PARVB: variants seen among roughly 807,000 people sequenced by gnomAD.
The protein encoded by PARVB is beta-parvin.
A neutral mutation model predicts 47.0 loss-of-function variants in PARVB; 46 were observed. That is an observed-to-expected ratio of 0.98 (90% CI 0.77 to 1.25). The LOEUF (loss-of-function observed/expected upper bound fraction) is 1.25, where lower values mean the gene tolerates loss of function less well. Ranked by LOEUF, PARVB falls within the 50% of genes most tolerant of loss-of-function variation. The pLI is 0.00. For missense variants in PARVB, 473 were observed against 471.6 expected, an observed-to-expected ratio of 1.00 and a Z score of -0.03; for synonymous variants, 196 against 196.3, an observed-to-expected ratio of 1.00 and a Z score of 0.01.
At chr22:44,116,649 C>T (rs1395450142) in intron 3 of PARVB, among the ~76,000 whole-genome samples, 1 of 152,182 alleles carries the variant, frequency 6.6e-6, no homozygotes, top group Non-Finnish European at 1.5e-5. Flanking sequence ...CCTCATAGAC[C>T]TTGGAGTCTA....
chr22:44,116,653 G>A (rs1432332480), intron 3 of PARVB, among the ~76,000 whole-genome samples: 4 of 152,186 alleles, frequency 2.6e-5, no homozygotes, highest in African/African-American at 7.2e-5. Flanking sequence ...ATAGACCTTG[G>A]AGTCTAACAG....
chr22:44,089,822 C>A lies in PARVB; in HGVS notation c.113-4106C>A, dbSNP rs2052121631. Among the ~76,000 whole-genome samples the A allele has an allele frequency of 6.6e-6, 1 of 152,342 alleles. No homozygotes were observed. The highest frequency in any genetic ancestry group is 2.4e-5 in the African/African-American group (1 of 41,594). Reference sequence around the variant, plus strand: ...TTCATGGGGTTCAGCTTTGGACATGCTGGCTGTGGTTTGTCTCCACTGCAC... The same window carrying A: ...TTCATGGGGTTCAGCTTTGGACATGATGGCTGTGGTTTGTCTCCACTGCAC... On this transcript the variant is annotated intron_variant, in intron 1 of 12. Transcript: ENST00000338758. The surrounding 1 kb of genome is among the most constrained non-coding windows in gnomAD (Gnocchi z 4.0).
Position 44,011,759 on chromosome 22 carries a change from G to A in PARVB, c.211+12086G>A, listed in dbSNP as rs1034526908. Among the ~76,000 whole-genome samples the A allele has an allele frequency of 9.2e-5, 14 of 152,074 alleles. No homozygotes were observed. In the East Asian group the frequency reaches 9.7e-4, roughly 10 times the overall value. On this transcript the variant is annotated intron_variant, in intron 2 of 13. Transcript: ENST00000406477. ...AATGTTCTCATGATGTGCTATGGCC[G>A]CCACATCCTTAGCTCCAGCATCGTA...
At chr22:44,099,749 C>G (rs2052397144) in intron 2 of PARVB, among the ~76,000 whole-genome samples, 1 of 152,172 alleles carries the variant, frequency 6.6e-6, no homozygotes, top group Non-Finnish European at 1.5e-5. Flanking sequence ...ATCTCATGCC[C>G]TGTGAATGCT....
chr22:44,009,161 A>G (rs1054324109), intron 2 of PARVB, among the ~76,000 whole-genome samples: 1 of 152,208 alleles, frequency 6.6e-6, no homozygotes, highest in Non-Finnish European at 1.5e-5. Flanking sequence ...ATTGAGCTTT[A>G]CATTTTAATA....
chr22:44,040,895 C>T (rs963880721), intron 1 of PARVB, among the ~76,000 whole-genome samples: 5 of 151,784 alleles, frequency 3.3e-5, no homozygotes, highest in South Asian at 2.1e-4. Flanking sequence ...CCCAGCTACT[C>T]GAGAGGCTGA....
At chr22:44,028,668 T>G (rs2050773480) in intron 1 of PARVB, among the ~76,000 whole-genome samples, 1 of 152,218 alleles carries the variant, frequency 6.6e-6, no homozygotes, top group Non-Finnish European at 1.5e-5. Flanking sequence ...GCTCAATTGC[T>G]GGATCGTATG....
chr22:44,171,714 T>G lies in PARVB; in HGVS notation c.*3036T>G, dbSNP rs2054271115. 6.6e-6 allele frequency: 1 copy of G among 151,090 alleles called. No individual in the cohort carries two copies. Among genetic ancestry groups the G allele is most frequent in the Non-Finnish European group, 1.5e-5 (1 of 67,912 alleles). 9.4% of individuals were successfully genotyped at this position (151,090 alleles called of 1,614,324 possible). A position where few individuals can be genotyped will look rare whatever the true frequency, so the allele number is the denominator to read the frequency against. ...ACGTCACACTCTTGTGGGTTTCAAG[T>G]CGAACAGTAAAAGGAATCATAAGAT... On this transcript the variant is annotated 3_prime_UTR_variant, in exon 13 of 13. Coordinates refer to ENST00000338758, the MANE Select transcript of PARVB (RefSeq NM_013327.5).
upstream of PARVB, among the ~76,000 whole-genome samples, chr22:44,020,049 G>A (rs2050630131): frequency 1.3e-5 from 2 of 152,146 alleles, no homozygotes; most frequent in Admixed American, 6.5e-5. Flanking sequence ...CCGCCAGCAA[G>A]TCGGCACTCA....
In PARVB at chr22:44,154,499, GGT is replaced by G. The variant is rs3053820; in HGVS notation, c.843+2964_843+2965del. 4.5e-4 allele frequency among the ~76,000 whole-genome samples: 67 copies of G among 148,980 alleles called. 1 individual carries two copies. Among genetic ancestry groups the G allele is most frequent in the African/African-American group, 3.0e-4 (12 of 40,458 alleles). ...TGTGTGGTTTATGCAGTCTGTTGGGGGTGTGTGTGTGTGTGTGGTTTATGTAG... is the reference window on the plus strand; with the variant it reads ...TGTGTGGTTTATGCAGTCTGTTGGGGGTGTGTGTGTGTGTGGTTTATGTAG... On this transcript the variant is annotated intron_variant, in intron 10 of 12. Coordinates refer to ENST00000338758, the MANE Select transcript of PARVB (RefSeq NM_013327.5).
chr22:44,094,070 TA>T, intron 2 of PARVB, 53 bp downstream of exon 2: 1 of 1,154,714 alleles, frequency 8.7e-7, no homozygotes, highest in Non-Finnish European at 1.3e-6. Context: ...TCCGTGGCAC[TA>T]AGTTGGTCTT....
intron 3 of PARVB, among the ~76,000 whole-genome samples, chr22:44,117,455 T>G (rs573008329): frequency 1.3e-5 from 2 of 152,182 alleles, no homozygotes; most frequent in Admixed American, 1.3e-4. Context: ...CCCAGGCCAG[T>G]GCTCTCCCTC....
At chr22:44,045,646 C>T (rs2051100367) in intron 1 of PARVB, among the ~76,000 whole-genome samples, 1 of 152,202 alleles carries the variant, frequency 6.6e-6, no homozygotes, top group South Asian at 2.1e-4. Context: ...CTGGGACTCT[C>T]CCATCACTCT....
chr22:44,026,703 T>A (rs978148968), intron 1 of PARVB, among the ~76,000 whole-genome samples: 28 of 152,268 alleles, frequency 1.8e-4, no homozygotes, highest in Non-Finnish European at 3.4e-4. Flanking sequence ...ACAGGGCGCT[T>A]GGGAGGTTTC....
intron 10 of PARVB, among the ~76,000 whole-genome samples, chr22:44,156,086 G>T (rs1447319859): frequency 3.9e-5 from 6 of 151,934 alleles, no homozygotes; most frequent in Admixed American, 3.9e-4. Flanking sequence ...GGAGGCAGAG[G>T]TTGCTGTGAG....
chr22:44,042,694 A>G (rs1254124933), intron 1 of PARVB, among the ~76,000 whole-genome samples: 1 of 152,236 alleles, frequency 6.6e-6, no homozygotes, highest in Admixed American at 6.5e-5. Flanking sequence ...CAGCGCAGGG[A>G]GAATTTCAAT....
At position 44,161,803 on chromosome 22, in the gene PARVB, G is replaced by A. The variant is rs142648740; in HGVS notation, c.946-2055G>A. Among the ~76,000 whole-genome samples, 294 of 152,310 alleles carry A rather than the reference G, an allele frequency of 1.9e-3. 1 individual carries two copies. The highest frequency in any genetic ancestry group is 5.6e-3 in the East Asian group (29 of 5,186). ...CCTGCTCTCTCCTTAGGGGAACTGC[G>A]TTCTGCACCCTCCGCACGGGCCGTC... On this transcript the variant is annotated intron_variant, in intron 11 of 12. Transcript: ENST00000338758.
chr22:44,025,059 G>T lies in PARVB; in HGVS notation c.112+608G>T, dbSNP rs555417051. 2.0e-3 allele frequency among the ~76,000 whole-genome samples: 307 copies of T among 152,230 alleles called. 3 individuals are homozygous for T. Among genetic ancestry groups the T allele is most frequent in the African/African-American group, 7.2e-3 (298 of 41,536 alleles). On this transcript the variant is annotated intron_variant, in intron 1 of 12. Transcript: ENST00000338758. ...TTGTTAGAGTTGCAAGGGATAGTCT[G>T]GTGTCTTTAAGTGTACCGCTTGCCC...
chr22:44,088,474 G>T (rs1227871973), intron 1 of PARVB, among the ~76,000 whole-genome samples: 1 of 152,078 alleles, frequency 6.6e-6, no homozygotes, highest in East Asian at 1.9e-4. Flanking sequence ...TATTATTATT[G>T]TTATTATTTT....
Sources: gnomAD v4.1 joint callset for allele counts (sites outside exome capture counted in the v4.1 genomes callset) on GRCh38, gnomAD v4.1.1 for gene constraint, Gnocchi (gnomAD v3.1) non-coding constraint, MANE v1.5 for transcripts, NCBI Gene and HGNC (gene_info 2026-07-23, HGNC 2026-07-21) for gene names.